ZNF626: variants seen among roughly 807,000 people sequenced by gnomAD.
ZNF626 encodes the protein zinc finger protein 626, also known as CTC-513N18.7.
A neutral mutation model predicts 11.7 loss-of-function variants in ZNF626; 4 were observed. The observed-to-expected ratio is 0.34, with a 90% CI of 0.17 to 0.78. The LOEUF is 0.78. Among genes scored for constraint, ZNF626 ranks in the 30% least tolerant of loss-of-function variants. The pLI, the probability that ZNF626 is intolerant of heterozygous loss-of-function variation, is 0.57. For missense variants in ZNF626, 588 were observed against 587.1 expected (o/e 1.00, Z -0.01); for synonymous variants, 179 against 198.6 (o/e 0.90, Z 0.83).
chr19:20,638,425 C>CTAAATAAATAAA (rs60283787), intron 3 of ZNF626, among the ~76,000 whole-genome samples: 38,763 of 140,788 alleles, frequency 0.28, 5,765 homozygotes, highest in South Asian at 0.36. Flanking sequence ...AACTGCATGT[C>CTAAATAAATAAA]TAAATAAATA....
chr19:20,630,236 TTC>T (rs1969887359), intron 3 of ZNF626, among the ~76,000 whole-genome samples: 2 of 152,218 alleles, frequency 1.3e-5, no homozygotes, highest in Admixed American at 6.5e-5. Flanking sequence ...TGGTCGAAAA[TTC>T]TCTTTTTTGG....
chr19:20,648,882 A>G (rs1970114811), intron 1 of ZNF626, among the ~76,000 whole-genome samples: 1 of 152,232 alleles, frequency 6.6e-6, no homozygotes, highest in South Asian at 2.1e-4. Context: ...TGCATGGCAT[A>G]TAAGAAGCTA....
At chr19:20,626,969 G>A (rs1969842496) in intron 3 of ZNF626, among the ~76,000 whole-genome samples, 1 of 151,854 alleles carries the variant, frequency 6.6e-6, no homozygotes, top group Non-Finnish European at 1.5e-5. Context: ...GAGCTGAGAT[G>A]GCGCCACTGC....
intron 3 of ZNF626, among the ~76,000 whole-genome samples, chr19:20,644,079 T>C (rs1281490630): frequency 5.3e-5 from 8 of 152,168 alleles, no homozygotes; most frequent in African/African-American, 1.9e-4. Flanking sequence ...TCCAGAGACC[T>C]GGAGGAAGGC....
rs934017463 is a variant in ZNF626 at position 20,635,899 on chromosome 19, G to A, written c.226+9785C>T. Among the ~76,000 whole-genome samples, 9 of 152,098 alleles carry A rather than the reference G, an allele frequency of 5.9e-5. 1 individual carries two copies. The highest frequency in any genetic ancestry group is 5.2e-4 in the Admixed American group (8 of 15,264). ...TGTAATCCCAGCACTTTGGGAGGCC[G>A]AGGCAGGCAGACCACCTGAGGTCAG... On this transcript the variant is annotated intron_variant, in intron 3 of 3. Coordinates refer to ENST00000601440, the MANE Select transcript of ZNF626 (RefSeq NM_001076675.3).
rs1408786720 is a variant in ZNF626, at chr19:20,625,460, A to G, written c.417T>C (p.Thr139=). 2.5e-6 allele frequency: 4 copies of G among 1,613,986 alleles called. No individual in the cohort carries two copies. Among genetic ancestry groups the G allele is most frequent in the African/African-American group, 2.7e-5 (2 of 74,934 alleles). Residue 139 remains threonine (T), a synonymous_variant, in exon 4 of 4, where the codon ACT becomes ACC. Transcript: ENST00000601440. ...GYNELNQCLT[T]TPRKICQCDK... ...CACATTGACATATTTTTCTTGGGGT[A>G]GTTGTCAAACATTGGTTAAGTTCAT...
chr19:20,642,455 G>A (rs1197029593), intron 3 of ZNF626, among the ~76,000 whole-genome samples: 2 of 152,108 alleles, frequency 1.3e-5, no homozygotes, highest in East Asian at 1.9e-4. Context: ...AGAATTGGCC[G>A]GGGGTGGTGG....
At position 20,625,048 on chromosome 19, in the gene ZNF626, T is replaced by C. The variant is rs1555769358; in HGVS notation, c.829A>G (p.Ile277Val). Reference sequence around the variant, plus strand: ...TAGGGTTTCTTTTCCGTATGAATTATCTCATGTTTACTAAGGGTTGAGGAT... The same window carrying C: ...TAGGGTTTCTTTTCCGTATGAATTACCTCATGTTTACTAAGGGTTGAGGAT... Reference protein sequence around the residue: ...MSSSTLSKHEIIHTEKKPYKC... With the variant: ...MSSSTLSKHEVIHTEKKPYKC... Residue 277 changes from isoleucine (I) to valine (V), a missense_variant, in exon 4 of 4, where the codon ATA becomes GTA. Ile to Val is a conservative substitution (Grantham distance 29). This residue lies in a region of ZNF626 where 524 missense variants were observed against 470.1 expected (regional missense o/e 1.11). Coordinates refer to ENST00000601440, the MANE Select transcript of ZNF626 (RefSeq NM_001076675.3). 22 of 1,613,932 alleles carry C rather than the reference T, an allele frequency of 1.4e-5. No homozygotes were observed. The highest frequency in any genetic ancestry group is 1.8e-5 in the Non-Finnish European group (21 of 1,179,988).
intron 1 of ZNF626, among the ~76,000 whole-genome samples, chr19:20,654,062 C>A (rs1970177490): frequency 6.6e-6 from 1 of 152,082 alleles, no homozygotes; most frequent in Admixed American, 6.5e-5. Flanking sequence ...TGTAAATATT[C>A]TTTGGATATT....
chr19:20,638,830 A>C (rs1969993595), intron 3 of ZNF626, among the ~76,000 whole-genome samples: 1 of 152,208 alleles, frequency 6.6e-6, no homozygotes, highest in African/African-American at 2.4e-5. Flanking sequence ...CAACATAATC[A>C]TTGTAGACAT....
At position 20,625,390 on chromosome 19, in the gene ZNF626, G is replaced by T; in HGVS notation, c.487C>A (p.Gln163Lys). The T allele has an allele frequency of 6.2e-7, 1 of 1,613,960 alleles. No homozygotes were observed. Among genetic ancestry groups the T allele is most frequent in the Non-Finnish European group, 8.5e-7 (1 of 1,180,000 alleles). ...VLHQFPNSNG[Q>K]KRGHTGKKPF... is the part of the protein sequence containing the mutation. Reference sequence around the variant, plus strand: ...TTTTTCCCAGTATGTCCTCTCTTTTGTCCGTTTGAATTTGGAAATTGATGA... The same window carrying T: ...TTTTTCCCAGTATGTCCTCTCTTTTTTCCGTTTGAATTTGGAAATTGATGA... Residue 163 changes from glutamine (Q) to lysine (K), a missense_variant, in exon 4 of 4, where the codon CAA becomes AAA. Gln to Lys is a moderately conservative substitution (Grantham distance 53, BLOSUM62 1). Transcript: ENST00000601440.
Position 20,621,706 on chromosome 19 carries a change from C to T in ZNF626, c.*2584G>A, listed in dbSNP as rs550473438. On this transcript the variant is annotated 3_prime_UTR_variant, in exon 4 of 4. Coordinates refer to ENST00000601440, the MANE Select transcript of ZNF626 (RefSeq NM_001076675.3). ...GAAAAAAGATTAAAAATTTAACTAA[C>T]GGGAACAATATTCTTCATTTGCAGT... 4 of 151,982 alleles carry T rather than the reference C, an allele frequency of 2.6e-5. No individual in the cohort carries two copies. Among genetic ancestry groups the T allele is most frequent in the Admixed American group, 6.6e-5 (1 of 15,260 alleles). 9.4% of individuals were successfully genotyped at this position (151,982 alleles called of 1,614,324 possible). A position where few individuals can be genotyped will look rare whatever the true frequency, so the allele number is the denominator to read the frequency against.
intron 1 of ZNF626, among the ~76,000 whole-genome samples, chr19:20,659,596 G>A (rs1970242404): frequency 6.6e-6 from 1 of 151,908 alleles, no homozygotes; most frequent in Non-Finnish European, 1.5e-5. Flanking sequence ...TCAGGCTAGT[G>A]AGGGATGGAG....
chr19:20,639,176 T>C (rs747149301), intron 3 of ZNF626, among the ~76,000 whole-genome samples: 8 of 152,130 alleles, frequency 5.3e-5, no homozygotes, highest in Non-Finnish European at 7.4e-5. Flanking sequence ...CAATAGAGCA[T>C]AAACTTTTTG....
At position 20,624,206 on chromosome 19, in the gene ZNF626, T is replaced by G; in HGVS notation, c.*84A>C. The G allele has an allele frequency of 6.2e-7, 1 of 1,606,564 alleles. No homozygotes were observed. The highest frequency in any genetic ancestry group is 8.5e-7 in the Non-Finnish European group (1 of 1,174,434). On this transcript the variant is annotated 3_prime_UTR_variant, in exon 4 of 4. Coordinates refer to ENST00000601440, the MANE Select transcript of ZNF626 (RefSeq NM_001076675.3). ...CTGTAGGGTTTTTTTCCAGTATGAA[T>G]TTTCTTATGTGTAGTAAGGTTAGAG...
chr19:20,657,867 T>C (rs781791860), intron 1 of ZNF626, among the ~76,000 whole-genome samples: 1 of 151,600 alleles, frequency 6.6e-6, no homozygotes, highest in Non-Finnish European at 1.5e-5. Context: ...GAAAACCAAA[T>C]GCATGTTATT....
At chr19:20,638,519 T>G (rs1422360632) in intron 3 of ZNF626, among the ~76,000 whole-genome samples, 3 of 151,486 alleles carry the variant, frequency 2.0e-5, no homozygotes, top group Non-Finnish European at 4.4e-5. Context: ...ATCAGTATGC[T>G]GCCTATAAGA....
intron 3 of ZNF626, among the ~76,000 whole-genome samples, chr19:20,637,927 C>A (rs1396717149): frequency 6.6e-6 from 1 of 152,042 alleles, no homozygotes. Context: ...ATCACTTGAT[C>A]CCAGGAGTTC....
chr19:20,634,276 G>T (rs1477093210), intron 3 of ZNF626, among the ~76,000 whole-genome samples: 2 of 152,122 alleles, frequency 1.3e-5, no homozygotes, highest in African/African-American at 4.8e-5. Context: ...TAAGGAAACA[G>T]AAGACTAGAA....
Sources: gnomAD v4.1 joint callset for allele counts (sites outside exome capture counted in the v4.1 genomes callset) on GRCh38, gnomAD v4.1.1 for gene constraint, gnomAD v4.1.1 regional missense constraint, MANE v1.5 for transcripts, NCBI Gene and HGNC (gene_info 2026-07-23, HGNC 2026-07-21) for gene names.